Variants in CDIN1 observed in about 807,000 individuals in gnomAD.
The protein encoded by CDIN1 is CDAN1 interacting nuclease 1, also known as CDAN1-interacting nuclease 1.
Under a neutral mutation model 45.3 loss-of-function variants are expected in CDIN1, and 33 were observed. The ratio of observed to expected loss-of-function variants is 0.73; its 90% CI spans 0.55 to 0.97. CDIN1 has a LOEUF of 0.97. Among genes scored for constraint, CDIN1 ranks in the 50% least tolerant of loss-of-function variants. The pLI, the probability that CDIN1 is intolerant of heterozygous loss-of-function variation, is 0.00. For synonymous variants in CDIN1, 118 were observed against 124.4 expected (o/e 0.95, Z 0.34); for missense variants, 303 against 339.4 (o/e 0.89, Z 0.84).
At chr15:36,591,622 G>A (rs943396390) in intron 1 of CDIN1, among the ~76,000 whole-genome samples, 7 of 152,130 alleles carry the variant, frequency 4.6e-5, no homozygotes, top group Admixed American at 1.3e-4. Flanking sequence ...ATGTTGGTGG[G>A]TGCACTTGGA....
intron 3 of CDIN1, among the ~76,000 whole-genome samples, chr15:36,650,252 C>G (rs574375870): frequency 6.6e-6 from 1 of 152,128 alleles, no homozygotes; most frequent in Non-Finnish European, 1.5e-5. Context: ...CAAATTTCAC[C>G]AAGAATCTTT....
rs1465181383 is a variant in CDIN1, at chr15:36,644,235, T to TGC, written c.102-42_102-41dup. Reference sequence around the variant, plus strand: ...TCCTTTCTCTTTTGTTTCTTTGCCGTGCACTCCAGTAATTAACTTTGTCCT... The same window carrying TGC: ...TCCTTTCTCTTTTGTTTCTTTGCCGTGCGCACTCCAGTAATTAACTTTGTCCT... On this transcript the variant is annotated intron_variant, in intron 1 of 10. Transcript: ENST00000566621. The TGC allele has an allele frequency of 3.1e-6, 5 of 1,591,392 alleles. No homozygotes were observed. In the African/African-American group the frequency reaches 6.7e-5, roughly 21 times the overall value.
rs995664848 is a variant in CDIN1 at position 36,708,936 on chromosome 15, T to C, written c.545-287T>C. 2.8e-5 allele frequency: 7 copies of C among 247,800 alleles called. No individual in the cohort carries two copies. The South Asian group carries it at 4.0e-4, about 14-fold the overall frequency. 15.4% of individuals were successfully genotyped at this position (247,800 alleles called of 1,614,324 possible). On this transcript the variant is annotated intron_variant, in intron 8 of 10. Coordinates refer to ENST00000566621, the MANE Select transcript of CDIN1 (RefSeq NM_001321759.2). ...AAATCAGTAAGTATATTACCTTATTTTGAGTACTTTCAATTACAAAAAAGG... is the reference window on the plus strand; with the variant it reads ...AAATCAGTAAGTATATTACCTTATTCTGAGTACTTTCAATTACAAAAAAGG...
chr15:36,618,120 G>T (rs751277439), intron 1 of CDIN1: 1 of 727,792 alleles, frequency 1.4e-6, no homozygotes, highest in Non-Finnish European at 2.5e-6. Flanking sequence ...TTTCCCAATG[G>T]TAGTTTTGTG....
chr15:36,667,323 T>G (rs1421431694), intron 5 of CDIN1, among the ~76,000 whole-genome samples: 2 of 152,250 alleles, frequency 1.3e-5, no homozygotes, highest in Non-Finnish European at 2.9e-5. Flanking sequence ...TATATGTCTT[T>G]GTAAAAAGGA....
intron 5 of CDIN1, among the ~76,000 whole-genome samples, chr15:36,677,512 T>A (rs757738141): frequency 6.6e-6 from 1 of 152,118 alleles, no homozygotes; most frequent in Non-Finnish European, 1.5e-5. Context: ...CTCAATCTAC[T>A]TCCATGTGAA....
intron 8 of CDIN1, chr15:36,707,839 T>A (rs1434647753): frequency 6.6e-6 from 1 of 152,220 alleles, no homozygotes; most frequent in East Asian, 1.9e-4. Flanking sequence ...ATCTTCTTCA[T>A]CTACAGCTCA....
chr15:36,737,460 G>C (rs1471199472), intron 10 of CDIN1, among the ~76,000 whole-genome samples: 4 of 152,198 alleles, frequency 2.6e-5, no homozygotes, highest in Admixed American at 6.5e-5. Flanking sequence ...TTTCATTTGT[G>C]TGTGCCATTG....
intron 10 of CDIN1, among the ~76,000 whole-genome samples, chr15:36,796,067 C>T (rs1310062712): frequency 6.6e-6 from 1 of 152,148 alleles, no homozygotes; most frequent in Admixed American, 6.5e-5. Flanking sequence ...TAGTACTTTA[C>T]AGATAACAGT....
intron 1 of CDIN1, chr15:36,641,869 G>A (rs2040124149): frequency 6.6e-6 from 1 of 152,222 alleles, no homozygotes; most frequent in African/African-American, 2.4e-5. Flanking sequence ...TGGTACTGTT[G>A]AATGTTGGAC....
At chr15:36,616,613 G>T (rs910793212) in intron 1 of CDIN1, among the ~76,000 whole-genome samples, 6 of 151,914 alleles carry the variant, frequency 3.9e-5, no homozygotes, top group African/African-American at 1.5e-4. Context: ...TTCCAGTATT[G>T]TTCCAAGAAT....
rs137954448 is a variant in CDIN1 at position 36,613,929 on chromosome 15, T to C, written c.102-30349T>C. ...AATGAGCTGAGCTGGCAGAGCCCCA[T>C]TGCCGAGAGATGGATGAGCAGATCA... On this transcript the variant is annotated intron_variant, in intron 1 of 10. Transcript: ENST00000566621. The C allele has an allele frequency of 2.2e-4, 345 of 1,556,598 alleles. 2 individuals carry two copies. In the East Asian group the frequency reaches 6.4e-3, roughly 29 times the overall value.
intron 5 of CDIN1, among the ~76,000 whole-genome samples, chr15:36,685,094 A>G (rs1056651933): frequency 1.3e-5 from 2 of 149,746 alleles, no homozygotes; most frequent in African/African-American, 4.9e-5. Flanking sequence ...TTCTGCTCTG[A>G]TTTTAGTTAT....
intron 1 of CDIN1, among the ~76,000 whole-genome samples, chr15:36,610,917 A>G (rs2038618976): frequency 6.6e-6 from 1 of 152,174 alleles, no homozygotes; most frequent in Admixed American, 6.5e-5. Flanking sequence ...AGGAATTTTA[A>G]GTGTTGCCAT....
chr15:36,581,306 T>TC (rs1290646815), intron 1 of CDIN1, among the ~76,000 whole-genome samples: 1 of 152,224 alleles, frequency 6.6e-6, no homozygotes, highest in African/African-American at 2.4e-5. Context: ...TGCTTTTTTT[T>TC]CTCTTCCTCT....
At chr15:36,601,865 C>G (rs1303039029) in intron 1 of CDIN1, among the ~76,000 whole-genome samples, 1 of 152,174 alleles carries the variant, frequency 6.6e-6, no homozygotes, top group African/African-American at 2.4e-5. Flanking sequence ...CTGGGCTGCT[C>G]TCTGAAAATT....
At chr15:36,614,345 G>C (rs545939153) in intron 1 of CDIN1, 32 of 539,734 alleles carry the variant, frequency 5.9e-5, no homozygotes, top group Non-Finnish European at 9.7e-5. Context: ...TCTCCCCTGT[G>C]GCTTTTTTGC....
chr15:36,731,048 A>G lies in CDIN1; in HGVS notation c.716+21087A>G, dbSNP rs544726934. On this transcript the variant is annotated intron_variant, in intron 10 of 10. Transcript: ENST00000566621. ...AGACCCTAAGGCTTTCACCCAACTTAAAGACAATGATGCCAGTGAGCTTCT... is the reference window on the plus strand; with the variant it reads ...AGACCCTAAGGCTTTCACCCAACTTGAAGACAATGATGCCAGTGAGCTTCT... Among the ~76,000 whole-genome samples the G allele has an allele frequency of 2.6e-5, 4 of 152,204 alleles. No homozygotes were observed. In the East Asian group the frequency reaches 7.7e-4, roughly 29 times the overall value.
intron 5 of CDIN1, among the ~76,000 whole-genome samples, chr15:36,680,102 A>G (rs913338230): frequency 6.6e-6 from 1 of 152,218 alleles, no homozygotes; most frequent in Non-Finnish European, 1.5e-5. Flanking sequence ...GGCCTGAGAC[A>G]TCATGGCAGC....
Sources: gnomAD v4.1 joint callset for allele counts (sites outside exome capture counted in the v4.1 genomes callset) on GRCh38, gnomAD v4.1.1 for gene constraint, MANE v1.5 for transcripts, NCBI Gene and HGNC (gene_info 2026-07-23, HGNC 2026-07-21) for gene names.